Variants in TACC2 observed in about 807,000 individuals in gnomAD.
TACC2 encodes transforming acidic coiled-coil-containing protein 2.
A neutral mutation model predicts 227.3 loss-of-function variants in TACC2; 137 were observed. That is an observed-to-expected ratio of 0.60 (90% CI 0.52 to 0.69). The LOEUF (loss-of-function observed/expected upper bound fraction) is 0.69. Ranked by LOEUF, TACC2 falls within the 30% of genes least tolerant of loss-of-function variation. The probability of loss-of-function intolerance (pLI) is 0.00; values close to 1 mark genes in which losing one functional copy is unlikely to be tolerated. For missense variants in TACC2, 3,470 were observed against 3,694.4 expected (o/e 0.94, Z 1.57); for synonymous variants, 1,523 against 1,487.5 (o/e 1.02, Z -0.55).
Position 122,004,548 on chromosome 10 carries a change from C to T in TACC2, c.-46+15060C>T, listed in dbSNP as rs113143247. Among the ~76,000 whole-genome samples, 292 of 152,218 alleles carry T rather than the reference C, an allele frequency of 1.9e-3. 1 individual carries two copies. The highest frequency in any genetic ancestry group is 6.5e-3 in the African/African-American group (271 of 41,524). On this transcript the variant is annotated intron_variant, in intron 1 of 22. Transcript: ENST00000369005. The stretch of plus-strand genomic sequence containing the variant: ...TGGCATTTCTGATTACCAGATGATT[C>T]CACCTAGACCAGTGACTCCTCTGTG...
chr10:122,028,084 C>CTTTTTTTTTTTTTTTTTTTTTTTT (rs59135261), intron 2 of TACC2, among the ~76,000 whole-genome samples: 2 of 91,744 alleles, frequency 2.2e-5, no homozygotes, highest in African/African-American at 9.6e-5. Context: ...TTCTTTCTTT[C>CTTTTTTTTTTTTTTTTTTTTTTTT]TTTTTTTTTT....
In TACC2 at chr10:122,087,807, AGCCAGGCCCCAGCAG is replaced by A; in HGVS notation, c.5310_5324del (p.Arg1771_Ala1775del). ...CAGCTGCCCTTCATGGGGACAGCCC[AGCCAGGCCCCAGCAG>A]GCTAAGGAGCAGCCAGGGCCTGAGC... On this transcript the variant is annotated inframe_deletion, in exon 4 of 23. Transcript: ENST00000369005. The A allele has an allele frequency of 6.3e-7, 1 of 1,579,436 alleles. No homozygotes were observed. The highest frequency in any genetic ancestry group is 1.2e-5 in the South Asian group (1 of 84,328).
rs549908014 is a variant in TACC2, at chr10:122,115,749, A to G, written c.5574-16860A>G. ...TGTGTGTGTATGTGCATATGTGTAC[A>G]TGCATGTGTGGGTGTATTTTTTTTT... On this transcript the variant is annotated intron_variant, in intron 5 of 22. Transcript: ENST00000369005. Among the ~76,000 whole-genome samples the G allele has an allele frequency of 8.0e-4, 121 of 151,964 alleles. 1 individual carries two copies. Among genetic ancestry groups the G allele is most frequent in the Admixed American group, 7.9e-3 (120 of 15,268 alleles).
intron 1 of TACC2, among the ~76,000 whole-genome samples, chr10:121,993,537 G>A (rs1334307038): frequency 6.6e-6 from 1 of 152,104 alleles, no homozygotes; most frequent in Non-Finnish European, 1.5e-5. Flanking sequence ...ACATTGTATG[G>A]TTAGGTTTAG....
chr10:122,226,602 A>G (rs2095633689), intron 13 of TACC2, 121 bp downstream of exon 13: 1 of 464,226 alleles, frequency 2.2e-6, no homozygotes, highest in East Asian at 3.9e-5. Flanking sequence ...GACATGCCAC[A>G]TATTTTTTTT....
At chr10:122,045,342 G>T (rs554216160) in intron 2 of TACC2, among the ~76,000 whole-genome samples, 1 of 152,212 alleles carries the variant, frequency 6.6e-6, no homozygotes, top group Non-Finnish European at 1.5e-5. Context: ...GCGAAGCAGC[G>T]TAAGGCAGGG....
Position 122,074,024 on chromosome 10 carries a change from C to T in TACC2, c.147-8623C>T, listed in dbSNP as rs189968177. Among the ~76,000 whole-genome samples the T allele has an allele frequency of 5.6e-3, 852 of 151,940 alleles. 9 individuals carry two copies. Among genetic ancestry groups the T allele is most frequent in the African/African-American group, 0.02 (824 of 41,428 alleles). ...CTGGATCTCCTGACCTTGTGATCTG[C>T]CCACCTCGGCCTCCCAAAGTGCTGG... is the stretch of plus-strand genomic sequence containing the variant. On this transcript the variant is annotated intron_variant, in intron 3 of 22. Coordinates refer to ENST00000369005, the MANE Select transcript of TACC2 (RefSeq NM_206862.4).
chr10:122,104,009 G>C (rs74408153), intron 5 of TACC2, among the ~76,000 whole-genome samples: 1,779 of 152,272 alleles, frequency 0.012, 28 homozygotes, highest in African/African-American at 0.041. Context: ...AATGAATATG[G>C]CCTTTTGTCC....
intron 7 of TACC2, among the ~76,000 whole-genome samples, chr10:122,146,789 T>A (rs568862618): frequency 6.6e-6 from 1 of 152,340 alleles, no homozygotes; most frequent in East Asian, 1.9e-4. Context: ...TCTTAGTTTT[T>A]CCCTAATGTC....
chr10:122,101,723 C>CTTTTTTTTTTTTTTT (rs1179126977), intron 5 of TACC2, among the ~76,000 whole-genome samples: 16 of 55,734 alleles, frequency 2.9e-4, no homozygotes, highest in Non-Finnish European at 3.6e-4. Flanking sequence ...CCATGCCCAG[C>CTTTTTTTTTTTTTTT]TTTTTTTTTT....
rs192876235 is a variant in TACC2 at position 122,084,781 on chromosome 10, C to A, written c.2281C>A (p.Gln761Lys). Residue 761 changes from glutamine (Q) to lysine (K), a missense_variant, in exon 4 of 23, where the codon CAA becomes AAA. Physicochemically the swap from Gln to Lys is moderately conservative, Grantham distance 53 (BLOSUM62 1). Transcript: ENST00000369005. ...GGAGGGCTTGCTGACGTCCCCAGAT[C>A]AACCCCGCGGGCCGGCGTGTGATGC... The part of the protein sequence containing the change: ...DGEGLLTSPD[Q>K]PRGPACDASR... 6.4e-4 allele frequency: 1,030 copies of A among 1,613,594 alleles called. 11 individuals are homozygous for A. The highest frequency in any genetic ancestry group is 1.1e-4 in the Non-Finnish European group (132 of 1,180,034).
chr10:122,064,783 T>C (rs1388993125), intron 3 of TACC2, among the ~76,000 whole-genome samples: 3 of 152,208 alleles, frequency 2.0e-5, no homozygotes, highest in Non-Finnish European at 4.4e-5. Context: ...TCACTCTCTT[T>C]TTAGTGTCTC....
rs962156128 is a variant in TACC2 at position 121,990,776 on chromosome 10, T to G, written c.-46+1288T>G. 1.2e-4 allele frequency among the ~76,000 whole-genome samples: 18 copies of G among 152,078 alleles called. 1 individual carries two copies. Among genetic ancestry groups the G allele is most frequent in the Admixed American group, 5.2e-4 (8 of 15,256 alleles). On this transcript the variant is annotated intron_variant, in intron 1 of 22. Transcript: ENST00000369005. ...ATTATTGTCTGGACATACCTGTTTT[T>G]TTGTTGTTGTTGTTTGTTTGTTTGT...
At chr10:122,215,302 C>T in intron 9 of TACC2, 89 bp from the exon 10 acceptor site, 2 of 1,227,666 alleles carry the variant, frequency 1.6e-6, no homozygotes, top group Non-Finnish European at 2.4e-6. Context: ...GATGGCTCCG[C>T]AGAGGCAGTA....
chr10:122,225,548 A>C (rs2095611042), intron 12 of TACC2, among the ~76,000 whole-genome samples: 1 of 152,236 alleles, frequency 6.6e-6, no homozygotes, highest in Admixed American at 6.5e-5. Flanking sequence ...GCGTTGCTTA[A>C]AGAGCTTAGC....
rs778546235 is a variant in TACC2 at position 122,237,948 on chromosome 10, T to C, written c.8272-13T>C. ...TTTGGGGCTAACCTTTCTCTTCTTC[T>C]CTCTGAAACTAGATCATAACCAAGG... is the stretch of plus-strand genomic sequence containing the variant. On this transcript the variant is annotated splice_polypyrimidine_tract_variant and intron_variant, in intron 17 of 22. Transcript: ENST00000369005. The C allele has an allele frequency of 6.2e-7, 1 of 1,606,572 alleles. No homozygotes were observed. Among genetic ancestry groups the C allele is most frequent in the African/African-American group, 1.3e-5 (1 of 74,882 alleles).
rs2078063607 is a variant in TACC2 at position 122,071,645 on chromosome 10, AG to A, written c.147-11000del. On this transcript the variant is annotated intron_variant, in intron 3 of 22. Coordinates refer to ENST00000369005, the MANE Select transcript of TACC2 (RefSeq NM_206862.4). The stretch of plus-strand genomic sequence containing the variant: ...TCCCAGCACTTTGGGAGGCCGAGGC[AG>A]GTGGATCATCTGAGGTCAAGAGTTC... Among the ~76,000 whole-genome samples, 4 of 148,008 alleles carry A rather than the reference AG, an allele frequency of 2.7e-5. No homozygotes were observed. The Admixed American group carries it at 2.8e-4, about 10-fold the overall frequency.
Position 122,132,711 on chromosome 10 carries a change from C to T in TACC2, c.5676C>T (p.Val1892=), listed in dbSNP as rs769340180. 49 of 1,614,062 alleles carry T rather than the reference C, an allele frequency of 3.0e-5. No homozygotes were observed. Among genetic ancestry groups the T allele is most frequent in the Middle Eastern group, 3.3e-4 (2 of 6,082 alleles). The change falls in exon 6 of 23, where the codon GTC becomes GTT. Residue 1892 remains valine, a synonymous_variant. Coordinates refer to ENST00000369005, the MANE Select transcript of TACC2 (RefSeq NM_206862.4). The part of the protein sequence containing the change: ...SSYHGDVVGQ[V]STDLIAQSIS... ...ACCACGGTGATGTTGTTGGCCAGGT[C>T]TCTACGGATCTGATAGCCCAGAGGT...
chr10:122,129,941 G>T (rs956937517), intron 5 of TACC2, among the ~76,000 whole-genome samples: 3 of 152,160 alleles, frequency 2.0e-5, no homozygotes, highest in Non-Finnish European at 4.4e-5. Flanking sequence ...CTGGACCTCC[G>T]CACTGTCAAT....
Sources: allele counts gnomAD v4.1 joint callset (sites outside exome capture counted in the v4.1 genomes callset), GRCh38; gene constraint gnomAD v4.1.1; transcripts MANE v1.5; gene names NCBI Gene and HGNC (gene_info 2026-07-23, HGNC 2026-07-21).